The following BARD1 variants were observed in gnomAD, a reference collection of about 807,000 sequenced individuals.
The protein encoded by BARD1 is BRCA1-associated RING domain protein 1.
BARD1 carries 73 observed loss-of-function variants against 77.0 expected under a neutral mutation model. The ratio of observed to expected loss-of-function variants is 0.95; its 90% CI spans 0.79 to 1.15. BARD1 has a LOEUF of 1.15. Among genes scored for constraint, BARD1 ranks in the 50% most tolerant of loss-of-function variants. The pLI, the probability that BARD1 is intolerant of heterozygous loss-of-function variation, is 0.00. For missense variants in BARD1, 993 were observed against 938.8 expected (o/e 1.06, Z -0.75); for synonymous variants, 384 against 338.0 (o/e 1.14, Z -1.49).
intron 1 of BARD1, 139 bp downstream of exon 1, chr2:214,809,273 G>T: frequency 1.7e-6 from 2 of 1,192,856 alleles, no homozygotes; most frequent in Non-Finnish European, 2.3e-6. Flanking sequence ...TATATCCCCC[G>T]GCAGGTGCTA....
intron 10 of BARD1, among the ~76,000 whole-genome samples, chr2:214,729,347 G>A (rs185881889): frequency 2.0e-5 from 3 of 152,300 alleles, no homozygotes; most frequent in Admixed American, 6.5e-5. Context: ...ATGAGGTCAG[G>A]TGTGGAATTT....
rs112481852 is a variant in BARD1, at chr2:214,743,811, C to T, written c.1903+1256G>A. Among the ~76,000 whole-genome samples, 419 of 152,150 alleles carry T rather than the reference C, an allele frequency of 2.8e-3. 3 individuals carry two copies. Among genetic ancestry groups the T allele is most frequent in the African/African-American group, 9.3e-3 (388 of 41,540 alleles). ...GTTGGCCTGGCTGGTCTGCCTGCCT[C>T]GGTCGCCCAAAGTGCTAAGATTACA... On this transcript the variant is annotated intron_variant, in intron 9 of 10. Transcript: ENST00000260947.
At chr2:214,808,036 A>G (rs1696355979) in intron 1 of BARD1, among the ~76,000 whole-genome samples, 1 of 152,230 alleles carries the variant, frequency 6.6e-6, no homozygotes, top group African/African-American at 2.4e-5. Context: ...GTGCAATGTC[A>G]TTTTGTCACA....
intron 6 of BARD1, among the ~76,000 whole-genome samples, chr2:214,758,931 C>CA: frequency 6.6e-6 from 1 of 152,162 alleles, no homozygotes; most frequent in Non-Finnish European, 1.5e-5. Context: ...AAAACATATG[C>CA]AAAAAGGCAT....
At position 214,794,808 on chromosome 2, in the gene BARD1, A is replaced by G. The variant is rs1267644325; in HGVS notation, c.215+2253T>C. Among the ~76,000 whole-genome samples, 3 of 152,246 alleles carry G rather than the reference A, an allele frequency of 2.0e-5. No individual in the cohort carries two copies. In the East Asian group the frequency reaches 5.8e-4, roughly 29 times the overall value. ...CAGTTTTAACTCAAAATCTGCATGA[A>G]TAAAAACAGCTACCATAATTTTTGG... is the stretch of plus-strand genomic sequence containing the variant. On this transcript the variant is annotated intron_variant, in intron 2 of 10. Transcript: ENST00000260947.
chr2:214,752,694 A>C, intron 6 of BARD1, 139 bp from the exon 7 acceptor site: 1 of 712,138 alleles, frequency 1.4e-6, no homozygotes, highest in Non-Finnish European at 2.5e-6. Context: ...CTAGAATCAA[A>C]AGCTGCTGAA....
At chr2:214,773,962 T>C (rs1156426258) in intron 4 of BARD1, among the ~76,000 whole-genome samples, 1 of 152,200 alleles carries the variant, frequency 6.6e-6, no homozygotes, top group Non-Finnish European at 1.5e-5. Context: ...ATTTTCTAAA[T>C]CCTTTGTTGT....
chr2:214,748,868 T>C (rs1051728945), intron 7 of BARD1, among the ~76,000 whole-genome samples: 4 of 55,668 alleles, frequency 7.2e-5, no homozygotes, highest in African/African-American at 2.9e-4. Flanking sequence ...CCTTCATGCA[T>C]TCAGCACACA....
chr2:214,800,915 C>A (rs1394651026), intron 1 of BARD1, among the ~76,000 whole-genome samples: 2 of 151,204 alleles, frequency 1.3e-5, no homozygotes, highest in African/African-American at 4.9e-5. Flanking sequence ...TCAAAGTTAA[C>A]AGTAGTAAGA....
intron 2 of BARD1, among the ~76,000 whole-genome samples, chr2:214,792,860 T>C (rs1695594509): frequency 6.6e-6 from 1 of 152,200 alleles, no homozygotes. Context: ...GACTAGTATC[T>C]CAAGGCTTTA....
chr2:214,755,657 G>C (rs2106046467), intron 6 of BARD1, among the ~76,000 whole-genome samples: 1 of 152,206 alleles, frequency 6.6e-6, no homozygotes, highest in South Asian at 2.1e-4. Context: ...TAAGCAACAT[G>C]ATTACTGAAA....
At chr2:214,737,851 A>G (rs1415342379) in intron 9 of BARD1, among the ~76,000 whole-genome samples, 1 of 152,154 alleles carries the variant, frequency 6.6e-6, no homozygotes, top group African/African-American at 2.4e-5. Flanking sequence ...ACATTTTAAG[A>G]TTTAAACTAT....
intron 4 of BARD1, among the ~76,000 whole-genome samples, chr2:214,777,282 G>T (rs573292042): frequency 1.3e-5 from 2 of 152,266 alleles, no homozygotes; most frequent in South Asian, 2.1e-4. Context: ...CTATGGAAAG[G>T]TTATGGCCAA....
intron 7 of BARD1, among the ~76,000 whole-genome samples, chr2:214,746,790 C>T (rs1158875085): frequency 1.3e-5 from 2 of 152,052 alleles, no homozygotes; most frequent in Non-Finnish European, 2.9e-5. Context: ...AGGACATAGG[C>T]ATGGGCAAGG....
At chr2:214,782,241 C>T (rs1306004274) in intron 3 of BARD1, among the ~76,000 whole-genome samples, 4 of 152,054 alleles carry the variant, frequency 2.6e-5, no homozygotes, top group Non-Finnish European at 5.9e-5. Context: ...CAAACATAAT[C>T]TCTTAAGCAA....
rs869312494 is a variant in BARD1, at chr2:214,788,233, C to T, written c.364+4064G>A. Among the ~76,000 whole-genome samples the T allele has an allele frequency of 3.3e-5, 5 of 151,352 alleles. No homozygotes were observed. Among genetic ancestry groups the T allele is most frequent in the Admixed American group, 6.6e-5 (1 of 15,174 alleles). On this transcript the variant is annotated intron_variant, in intron 3 of 10. Transcript: ENST00000260947. ...CACCGACATGTTTCACAGAACCTGA[C>T]CAGCACCTGCAAGGTCTGACTTAAT...
At chr2:214,766,515 C>G (rs1694201898) in intron 6 of BARD1, among the ~76,000 whole-genome samples, 1 of 152,074 alleles carries the variant, frequency 6.6e-6, no homozygotes, top group Non-Finnish European at 1.5e-5. Context: ...TAAATGAAAG[C>G]TTCCAAAATT....
intron 3 of BARD1, among the ~76,000 whole-genome samples, chr2:214,786,471 C>G (rs1408689932): frequency 6.6e-6 from 1 of 151,896 alleles, no homozygotes; most frequent in Non-Finnish European, 1.5e-5. Context: ...CTTCTTCTGC[C>G]TATTCTTTCA....
chr2:214,808,770 G>A (rs1696403454), intron 1 of BARD1, among the ~76,000 whole-genome samples: 1 of 152,200 alleles, frequency 6.6e-6, no homozygotes, highest in Admixed American at 6.5e-5. Context: ...TAATGTGACA[G>A]CATGAAGGAA....
Sources: allele counts gnomAD v4.1 joint callset (sites outside exome capture counted in the v4.1 genomes callset), GRCh38; gene constraint gnomAD v4.1.1; transcripts MANE v1.5; gene names NCBI Gene and HGNC (gene_info 2026-07-23, HGNC 2026-07-21).